The following GNA12 variants were observed in gnomAD, a reference collection of about 807,000 sequenced individuals.
GNA12 encodes the protein guanine nucleotide-binding protein subunit alpha-12.
In GNA12, 9 loss-of-function variants were observed where a neutral mutation model predicts 26.0. The observed-to-expected ratio is 0.35, with a 90% CI of 0.21 to 0.60. The LOEUF is 0.60. GNA12 is among the 20% of genes least tolerant of loss of function. GNA12 has a pLI of 0.78. For synonymous variants in GNA12, 264 were observed against 219.6 expected (o/e 1.20, Z -1.79); for missense variants, 405 against 525.8 (o/e 0.77, Z 2.25).
intron 2 of GNA12, among the ~76,000 whole-genome samples, chr7:2,734,468 G>C (rs1389871793): frequency 6.6e-6 from 1 of 152,228 alleles, no homozygotes; most frequent in Non-Finnish European, 1.5e-5. Context: ...ATGTACAGGG[G>C]CAAGGTCATA....
At chr7:2,799,885 C>A (rs769964724) in intron 1 of GNA12, among the ~76,000 whole-genome samples, 1 of 152,110 alleles carries the variant, frequency 6.6e-6, no homozygotes, top group African/African-American at 2.4e-5. Flanking sequence ...CAACACCAAG[C>A]GGAGGTGAGG....
intron 2 of GNA12, among the ~76,000 whole-genome samples, chr7:2,752,492 T>A (rs970190096): frequency 2.6e-5 from 4 of 152,106 alleles, no homozygotes; most frequent in Non-Finnish European, 5.9e-5. Flanking sequence ...ACACAGGGAC[T>A]GGAAAGCAAG....
intron 2 of GNA12, among the ~76,000 whole-genome samples, chr7:2,738,617 C>A (rs1251645409): frequency 5.3e-5 from 8 of 151,934 alleles, no homozygotes; most frequent in Admixed American, 5.3e-4. Flanking sequence ...AAAATGACTT[C>A]TAGGGAGGGA....
At chr7:2,749,142 C>A (rs1208638399) in intron 2 of GNA12, among the ~76,000 whole-genome samples, 6 of 152,002 alleles carry the variant, frequency 3.9e-5, no homozygotes, top group African/African-American at 1.4e-4. Flanking sequence ...ACCATTGGAC[C>A]CAGCCATCCC....
chr7:2,758,619 G>C (rs1791410769), intron 2 of GNA12, among the ~76,000 whole-genome samples: 1 of 152,142 alleles, frequency 6.6e-6, no homozygotes, highest in Non-Finnish European at 1.5e-5. Context: ...CAAGGAACCT[G>C]GGGGAACCCC....
At chr7:2,810,549 A>T (rs1035220933) in intron 1 of GNA12, among the ~76,000 whole-genome samples, 3 of 152,048 alleles carry the variant, frequency 2.0e-5, no homozygotes, top group African/African-American at 7.2e-5. Flanking sequence ...TTTTGTCAAT[A>T]ATTTTTTTTT....
rs76478938 is a variant in GNA12, at chr7:2,731,391, C to T, written c.936G>A (p.Lys312=). Residue 312 remains lysine (K), a synonymous_variant, in exon 4 of 4, where the codon AAG becomes AAA. Coordinates refer to ENST00000275364, the MANE Select transcript of GNA12 (RefSeq NM_007353.3). The surrounding 1 kb of genome is among the most constrained non-coding windows in gnomAD (Gnocchi z 6.0). ...VEKVKTVSIK[K]HFPDFRGDPH... is the part of the protein sequence containing the mutation. ...GGTCGCCCCTGAAGTCCGGGAAGTGCTTCTTGATGCTCACGGTCTTCACCT... is the reference window on the plus strand; with the variant it reads ...GGTCGCCCCTGAAGTCCGGGAAGTGTTTCTTGATGCTCACGGTCTTCACCT... 3 of 1,613,280 alleles carry T rather than the reference C, an allele frequency of 1.9e-6. No homozygotes were observed. The South Asian group carries it at 3.3e-5, about 18-fold the overall frequency.
At chr7:2,751,029 T>C (rs1791008787) in intron 2 of GNA12, among the ~76,000 whole-genome samples, 1 of 152,154 alleles carries the variant, frequency 6.6e-6, no homozygotes, top group South Asian at 2.1e-4. Flanking sequence ...AATGTTAAAA[T>C]ATCAACACTT....
At chr7:2,787,726 C>CG (rs532980081) in intron 2 of GNA12, among the ~76,000 whole-genome samples, 113 of 152,326 alleles carry the variant, frequency 7.4e-4, no homozygotes, top group African/African-American at 2.6e-3. Context: ...GGGGAGAGGC[C>CG]GGGGGTAAGT....
chr7:2,734,840 C>T (rs79120175), intron 2 of GNA12, among the ~76,000 whole-genome samples: 3,783 of 152,278 alleles, frequency 0.025, 114 homozygotes, highest in Middle Eastern at 0.075. Context: ...TCGTGACCAC[C>T]GGCTCTCTAG....
chr7:2,749,526 G>C (rs1174521703), intron 2 of GNA12, among the ~76,000 whole-genome samples: 3 of 149,042 alleles, frequency 2.0e-5, no homozygotes, highest in Non-Finnish European at 4.5e-5. Context: ...TAGGGGGAGG[G>C]GGGAGGGATA....
At chr7:2,800,723 C>G (rs546993388) in intron 1 of GNA12, among the ~76,000 whole-genome samples, 1 of 152,162 alleles carries the variant, frequency 6.6e-6, no homozygotes, top group African/African-American at 2.4e-5. Context: ...GGGCCTCAGA[C>G]GGAGCTTTCC....
intron 1 of GNA12, among the ~76,000 whole-genome samples, chr7:2,839,342 T>C (rs1470713336): frequency 6.6e-6 from 1 of 152,066 alleles, no homozygotes; most frequent in African/African-American, 2.4e-5. Flanking sequence ...CAAGTGATCC[T>C]CCCACCCGCC....
At chr7:2,738,614 C>A (rs1384807447) in intron 2 of GNA12, among the ~76,000 whole-genome samples, 3 of 152,004 alleles carry the variant, frequency 2.0e-5, no homozygotes, top group African/African-American at 7.3e-5. Flanking sequence ...ATAAAAATGA[C>A]TTCTAGGGAG....
intron 2 of GNA12, among the ~76,000 whole-genome samples, chr7:2,740,581 C>T (rs1017086503): frequency 2.0e-5 from 3 of 151,996 alleles, no homozygotes; most frequent in African/African-American, 4.8e-5. Context: ...CAGCTTGAGC[C>T]GACAAATATA....
intron 2 of GNA12, among the ~76,000 whole-genome samples, chr7:2,789,403 G>A (rs540886365): frequency 1.4e-5 from 2 of 145,666 alleles, no homozygotes; most frequent in Non-Finnish European, 3.0e-5. Flanking sequence ...CCAAAGTGCT[G>A]GGATTACAGG....
intron 2 of GNA12, among the ~76,000 whole-genome samples, chr7:2,777,839 G>T (rs576402546): frequency 6.6e-6 from 1 of 152,346 alleles, no homozygotes; most frequent in Admixed American, 6.5e-5. Flanking sequence ...TGCCCACTCA[G>T]ATGTGAAAGG....
At chr7:2,796,249 T>G (rs1019121249) in intron 1 of GNA12, among the ~76,000 whole-genome samples, 18 of 152,190 alleles carry the variant, frequency 1.2e-4, no homozygotes, top group Non-Finnish European at 2.6e-4. Context: ...GTTTTTAAAG[T>G]TTAATTTAAT....
chr7:2,842,334 T>G (rs1779022068), intron 1 of GNA12, among the ~76,000 whole-genome samples: 1 of 152,102 alleles, frequency 6.6e-6, no homozygotes, highest in Non-Finnish European at 1.5e-5. Context: ...TTTTTTTCAC[T>G]GCCACTCAGG....
Sources: allele counts gnomAD v4.1 joint callset (sites outside exome capture counted in the v4.1 genomes callset), GRCh38; gene constraint gnomAD v4.1.1; non-coding constraint Gnocchi (gnomAD v3.1); transcripts MANE v1.5; gene names NCBI Gene and HGNC (gene_info 2026-07-23, HGNC 2026-07-21).